Variants in MAX observed in about 807,000 individuals in gnomAD.
The protein encoded by MAX is protein max.
In MAX, 3 loss-of-function variants were observed where a neutral mutation model predicts 22.3. That is an observed-to-expected ratio of 0.13 (90% confidence interval 0.06 to 0.35). The LOEUF is 0.35. Among genes scored for constraint, MAX ranks in the 10% least tolerant of loss-of-function variants. The pLI, the probability that MAX is intolerant of heterozygous loss-of-function variation, is 1.00. For synonymous variants in MAX, 72 were observed against 77.7 expected (o/e 0.93, Z 0.39); for missense variants, 119 against 209.4 (o/e 0.57, Z 2.66).
intron 2 of MAX, among the ~76,000 whole-genome samples, chr14:65,101,091 C>T (rs538242557): frequency 3.3e-5 from 5 of 152,188 alleles, no homozygotes; most frequent in Non-Finnish European, 7.3e-5. Flanking sequence ...TTCTACGGGT[C>T]TATAGCAGTC....
chr14:65,056,406 A>G (rs577448372), intron 3 of MAX, among the ~76,000 whole-genome samples: 15 of 152,130 alleles, frequency 9.9e-5, no homozygotes, highest in African/African-American at 3.4e-4. Flanking sequence ...CCAGGAGGGG[A>G]CCTGCTGGGT....
intron 3 of MAX, among the ~76,000 whole-genome samples, chr14:65,068,287 T>C (rs1443370488): frequency 6.6e-6 from 1 of 151,964 alleles, no homozygotes; most frequent in Non-Finnish European, 1.5e-5. Flanking sequence ...ACACAAAAAT[T>C]AGCCTGGTGT....
At position 65,014,709 on chromosome 14, in the gene MAX, G is replaced by T. The variant is rs2061738586; in HGVS notation, c.172-8425C>A. Among the ~76,000 whole-genome samples, 1 of 152,122 alleles carries T rather than the reference G, an allele frequency of 6.6e-6. No individual in the cohort carries two copies. On this transcript the variant is annotated intron_variant, in intron 3 of 3. Coordinates refer to the MAX transcript ENST00000341653. This position sits in a 1 kb window ranked among gnomAD's most constrained non-coding sequence, Gnocchi z 5.1. The stretch of plus-strand genomic sequence containing the variant: ...TGTGCCCGTAGTCCCAGCTACTTAG[G>T]AGGCTGAGGTGGGAGGATTGCTTGA...
chr14:65,060,870 C>T (rs1364674800), intron 3 of MAX, among the ~76,000 whole-genome samples: 1 of 79,576 alleles, frequency 1.3e-5, no homozygotes, highest in East Asian at 3.2e-4. Flanking sequence ...AAGACTCTCT[C>T]AAAAAAAAAA....
At chr14:65,081,626 G>A (rs1431362128) in intron 3 of MAX, among the ~76,000 whole-genome samples, 1 of 152,224 alleles carries the variant, frequency 6.6e-6, no homozygotes, top group Admixed American at 6.5e-5. Context: ...TCATGTGAGT[G>A]TGACTGATCA....
At chr14:65,061,102 C>T in intron 3 of MAX, 19 of 1,565,464 alleles carry the variant, frequency 1.2e-5, no homozygotes, top group Non-Finnish European at 1.6e-5. Flanking sequence ...CTTAGAAGTG[C>T]CTTTCATGGA....
Position 65,093,620 on chromosome 14 carries a change from C to G in MAX, c.171+88G>C, listed in dbSNP as rs1465120742. 2 of 789,338 alleles carry G rather than the reference C, an allele frequency of 2.5e-6. No homozygotes were observed. Among genetic ancestry groups the G allele is most frequent in the African/African-American group, 3.4e-5 (2 of 59,384 alleles). The allele number at this position is 789,338 out of a possible 1,614,324, so 48.9% of individuals were successfully genotyped here. A position where few individuals can be genotyped will look rare whatever the true frequency, so the allele number is the denominator to read the frequency against. On this transcript the variant is annotated intron_variant, in intron 3 of 4. Coordinates refer to ENST00000358664, the MANE Select transcript of MAX (RefSeq NM_002382.5). The surrounding 1 kb of genome is among the most constrained non-coding windows in gnomAD (Gnocchi z 4.4). ...TACCTGAATATCTCTGACTACATTT[C>G]CTTCCCAATAGGTGAGTGCTCTGCT...
intron 3 of MAX, among the ~76,000 whole-genome samples, chr14:65,018,646 C>T (rs2139537685): frequency 6.6e-6 from 1 of 151,540 alleles, no homozygotes; most frequent in South Asian, 2.1e-4. Context: ...CTTGTCTCTA[C>T]TAAAAATATA....
At chr14:65,038,252 T>C (rs756816676) in intron 3 of MAX, among the ~76,000 whole-genome samples, 3 of 150,338 alleles carry the variant, frequency 2.0e-5, no homozygotes, top group Non-Finnish European at 3.0e-5. Flanking sequence ...CTACAAAATA[T>C]ACAAAACATT....
chr14:65,074,503 A>G (rs149502974), downstream of MAX, among the ~76,000 whole-genome samples: 524 of 152,352 alleles, frequency 3.4e-3, 10 homozygotes, highest in Admixed American at 0.031. Context: ...CCAAGAACTG[A>G]TTTGACTTGA....
At chr14:65,033,007 C>G in intron 3 of MAX, among the ~76,000 whole-genome samples, 1 of 152,118 alleles carries the variant, frequency 6.6e-6, no homozygotes, top group Non-Finnish European at 1.5e-5. Context: ...TTGCGTAGGA[C>G]CCAGTAATTC....
chr14:65,043,196 A>G (rs566930218), intron 3 of MAX, among the ~76,000 whole-genome samples: 1 of 152,308 alleles, frequency 6.6e-6, no homozygotes, highest in South Asian at 2.1e-4. Context: ...TGGAAATGTC[A>G]TATCTGCTCA....
In MAX at chr14:65,102,388, G is replaced by A; in HGVS notation, c.-49C>T. On this transcript the variant is annotated 5_prime_UTR_variant, in exon 1 of 5. Transcript: ENST00000358664. ...ACTGCAGCGGCGGCGGGGAGGGGAA[G>A]GGGTGAAGGGGAGGGGGAAGTCACC... The A allele has an allele frequency of 3.1e-6, 5 of 1,601,758 alleles. No individual in the cohort carries two copies. The South Asian group carries it at 4.5e-5, about 14-fold the overall frequency.
rs1351537904 is a variant in MAX at position 65,078,355 on chromosome 14, C to T, written c.172-319G>A. ...TAGCTAGGATTATAGGTGTGCGCCA[C>T]CACGCCCATCTAATTTTTTTGTATT... is the stretch of plus-strand genomic sequence containing the variant. On this transcript the variant is annotated intron_variant, in intron 3 of 4. Coordinates refer to ENST00000358664, the MANE Select transcript of MAX (RefSeq NM_002382.5). The surrounding 1 kb of genome is among the most constrained non-coding windows in gnomAD (Gnocchi z 6.4). 6.6e-6 allele frequency among the ~76,000 whole-genome samples: 1 copy of T among 152,000 alleles called. No individual in the cohort carries two copies. The highest frequency in any genetic ancestry group is 1.5e-5 in the Non-Finnish European group (1 of 68,010).
chr14:65,048,056 C>T (rs1293733266), intron 3 of MAX, among the ~76,000 whole-genome samples: 10 of 136,486 alleles, frequency 7.3e-5, no homozygotes, highest in African/African-American at 1.7e-4. Context: ...GGTGCAATCT[C>T]GGCTCACTGT....
At position 65,028,314 on chromosome 14, in the gene MAX, T is replaced by C. The variant is rs2062020611; in HGVS notation, c.172-22030A>G. Among the ~76,000 whole-genome samples, 2 of 152,202 alleles carry C rather than the reference T, an allele frequency of 1.3e-5. No individual in the cohort carries two copies. Among genetic ancestry groups the C allele is most frequent in the African/African-American group, 4.8e-5 (2 of 41,448 alleles). On this transcript the variant is annotated intron_variant, in intron 3 of 3. Transcript: ENST00000341653. This position sits in a 1 kb window ranked among gnomAD's most constrained non-coding sequence, Gnocchi z 4.4. ...ATTGGTGCCAGTTAGCTCGAAATTA[T>C]TATTTTCTTCCATAAGTGTCTGATG...
rs1159383750 is a variant in MAX at position 65,088,171 on chromosome 14, A to G, written c.171+5537T>C. ...TCTCAGGTATGTCTTTATCAGCAGC[A>G]CGAAAACGGACTAATACAAGGGTGT... On this transcript the variant is annotated intron_variant, in intron 3 of 4. Transcript: ENST00000358664. This position sits in a 1 kb window ranked among gnomAD's most constrained non-coding sequence, Gnocchi z 5.2. Among the ~76,000 whole-genome samples, 1 of 152,148 alleles carries G rather than the reference A, an allele frequency of 6.6e-6. No homozygotes were observed. The highest frequency in any genetic ancestry group is 1.5e-5 in the Non-Finnish European group (1 of 68,018).
chr14:65,054,717 C>T lies in MAX; in HGVS notation c.171+38991G>A. The T allele has an allele frequency of 1.3e-6, 2 of 1,582,546 alleles. No individual in the cohort carries two copies. Among genetic ancestry groups the T allele is most frequent in the Non-Finnish European group, 1.7e-6 (2 of 1,163,176 alleles). On this transcript the variant is annotated intron_variant, in intron 3 of 3. Coordinates refer to the MAX transcript ENST00000341653. This position sits in a 1 kb window ranked among gnomAD's most constrained non-coding sequence, Gnocchi z 4.4. ...AAGACGGGTGCAGGGCTTCACACCC[C>T]TTCTCCACAGGGACCTCGCGGACAG... is the stretch of plus-strand genomic sequence containing the variant.
At chr14:65,090,750 C>G (rs1442235730) in intron 3 of MAX, 1 of 152,188 alleles carries the variant, frequency 6.6e-6, no homozygotes, top group Admixed American at 6.5e-5. Flanking sequence ...AGCGATCCAC[C>G]TGCCTGTCTC....
Sources: allele counts gnomAD v4.1 joint callset (sites outside exome capture counted in the v4.1 genomes callset), GRCh38; gene constraint gnomAD v4.1.1; non-coding constraint Gnocchi (gnomAD v3.1); transcripts MANE v1.5; gene names NCBI Gene and HGNC (gene_info 2026-07-23, HGNC 2026-07-21).